Variants in FMN2 observed in about 807,000 individuals in gnomAD.
The protein encoded by FMN2 is formin 2, also known as formin-2.
FMN2 carries 51 observed loss-of-function variants against 142.3 expected under a neutral mutation model. The observed-to-expected ratio is 0.36, with a 90% CI of 0.29 to 0.45. The LOEUF (loss-of-function observed/expected upper bound fraction) is 0.45. FMN2 is among the 20% of genes least tolerant of loss of function. FMN2 has a pLI of 1.00. For missense variants in FMN2, 1,936 were observed against 2,122.8 expected (o/e 0.91, Z 1.73); for synonymous variants, 882 against 869.8 (o/e 1.01, Z -0.25).
intron 8 of FMN2, among the ~76,000 whole-genome samples, chr1:240,320,407 G>A (rs896123655): frequency 6.6e-6 from 1 of 152,190 alleles, no homozygotes; most frequent in Non-Finnish European, 1.5e-5. Context: ...AATGGCTCGT[G>A]TTTGTTCCAT....
intron 8 of FMN2, among the ~76,000 whole-genome samples, chr1:240,308,595 AC>A (rs1302858024): frequency 3.3e-5 from 5 of 152,174 alleles, no homozygotes; most frequent in Non-Finnish European, 2.9e-5. Context: ...TCCCTTGGAC[AC>A]CCCTGTAAGA....
At chr1:240,128,297 G>A (rs1341872210) in intron 2 of FMN2, among the ~76,000 whole-genome samples, 1 of 151,992 alleles carries the variant, frequency 6.6e-6, no homozygotes, top group Non-Finnish European at 1.5e-5. Context: ...ATATTTTCCA[G>A]CCAACCACAC....
intron 2 of FMN2, among the ~76,000 whole-genome samples, chr1:240,151,415 G>A (rs928507074): frequency 6.6e-6 from 1 of 151,998 alleles, no homozygotes; most frequent in Non-Finnish European, 1.5e-5. Flanking sequence ...TTCTTTCTGT[G>A]AAAAGAGACC....
chr1:240,390,957 G>T (rs777438370), intron 14 of FMN2, among the ~76,000 whole-genome samples: 7 of 152,278 alleles, frequency 4.6e-5, no homozygotes, highest in Non-Finnish European at 1.0e-4. Context: ...AAAATAGTAT[G>T]CATTGTAGTG....
intron 10 of FMN2, among the ~76,000 whole-genome samples, chr1:240,330,218 C>G (rs1208070818): frequency 6.6e-6 from 1 of 152,160 alleles, no homozygotes; most frequent in Non-Finnish European, 1.5e-5. Flanking sequence ...GACGTAGGCA[C>G]CATTAAGACA....
rs148573032 is a variant in FMN2, at chr1:240,454,161, A to G, written c.5060+15951A>G. ...TACCATGGAACCCTGTGCTTTCTTC[A>G]CTGTGGATCCGTAGCAATCATGGCG... On this transcript the variant is annotated intron_variant, in intron 16 of 17. Coordinates refer to ENST00000319653, the MANE Select transcript of FMN2 (RefSeq NM_020066.5). Among the ~76,000 whole-genome samples the G allele has an allele frequency of 2.7e-4, 40 of 149,574 alleles. 1 individual carries two copies. In the East Asian group the frequency reaches 7.9e-3, roughly 30 times the overall value.
chr1:240,401,386 G>A (rs1047483552), intron 15 of FMN2, among the ~76,000 whole-genome samples: 2 of 152,128 alleles, frequency 1.3e-5, no homozygotes, highest in Non-Finnish European at 2.9e-5. Context: ...TCAAAAAGTT[G>A]TTCTTCATTT....
intron 6 of FMN2, among the ~76,000 whole-genome samples, chr1:240,230,205 T>C (rs1667489486): frequency 7.8e-6 from 1 of 128,908 alleles, no homozygotes; most frequent in Non-Finnish European, 1.6e-5. Context: ...TAGCCCCACC[T>C]ACTCCCAGCT....
chr1:240,334,123 A>G lies in FMN2; in HGVS notation c.4659A>G (p.Glu1553=). 6.3e-7 allele frequency: 1 copy of G among 1,599,716 alleles called. No homozygotes were observed. Among genetic ancestry groups the G allele is most frequent in the South Asian group, 1.1e-5 (1 of 87,064 alleles). ...TTGTTCATTAGGATGCTGGAAAAGA[A>G]CAGTGCCTCTTTCCACTGCCAGAAC... ...LRNFDEDAGK[E]QCLFPLPEPQ... is the part of the protein sequence containing the mutation. The change falls in exon 13 of 18, where the codon GAA becomes GAG. Residue 1553 remains glutamate, a synonymous_variant. Transcript: ENST00000319653.
chr1:240,386,703 T>C (rs374065488), intron 14 of FMN2, among the ~76,000 whole-genome samples: 1 of 152,160 alleles, frequency 6.6e-6, no homozygotes, highest in African/African-American at 2.4e-5. Flanking sequence ...TCGGATATAT[T>C]AGTGCCGTTG....
chr1:240,469,799 A>G (rs960810479), intron 16 of FMN2, among the ~76,000 whole-genome samples: 2 of 152,134 alleles, frequency 1.3e-5, no homozygotes, highest in African/African-American at 4.8e-5. Flanking sequence ...TTACTTGCTC[A>G]TGAGTATCTC....
chr1:240,147,923 C>T (rs992899500), intron 2 of FMN2, among the ~76,000 whole-genome samples: 8 of 152,128 alleles, frequency 5.3e-5, no homozygotes, highest in African/African-American at 1.7e-4. Context: ...AAGCCAGATT[C>T]GGGAAAGTCT....
At chr1:240,325,078 G>A (rs1022409436) in intron 8 of FMN2, among the ~76,000 whole-genome samples, 2 of 151,998 alleles carry the variant, frequency 1.3e-5, no homozygotes, top group Non-Finnish European at 2.9e-5. Flanking sequence ...TGAAGTAATC[G>A]GTTGAAGGGG....
intron 8 of FMN2, among the ~76,000 whole-genome samples, chr1:240,325,891 C>T (rs987921687): frequency 9.9e-5 from 15 of 152,114 alleles, no homozygotes; most frequent in African/African-American, 2.7e-4. Flanking sequence ...TTTGTTGAGG[C>T]GTGAGCTATG....
At chr1:240,178,912 AT>A (rs71760632) in intron 3 of FMN2, among the ~76,000 whole-genome samples, 12,708 of 150,764 alleles carry the variant, frequency 0.084, 592 homozygotes, top group African/African-American at 0.12. Context: ...AAGAATTTTG[AT>A]TTTTTTTTTC....
chr1:240,273,516 G>GT (rs1053870267), intron 7 of FMN2, among the ~76,000 whole-genome samples: 3 of 152,062 alleles, frequency 2.0e-5, no homozygotes, highest in South Asian at 2.1e-4. Flanking sequence ...TGCATGATTT[G>GT]TTTTTTTCCT....
At chr1:240,254,218 G>C (rs1002949622) in intron 6 of FMN2, among the ~76,000 whole-genome samples, 7 of 152,138 alleles carry the variant, frequency 4.6e-5, no homozygotes, top group African/African-American at 1.4e-4. Flanking sequence ...GCTCCCAAGT[G>C]GTTTGCGCTG....
At chr1:240,453,464 G>A (rs2103213655) in intron 16 of FMN2, among the ~76,000 whole-genome samples, 1 of 152,258 alleles carries the variant, frequency 6.6e-6, no homozygotes, top group East Asian at 1.9e-4. Flanking sequence ...TATATTAAGT[G>A]TCATAGTCCC....
chr1:240,382,664 A>G (rs1673270691), intron 14 of FMN2, among the ~76,000 whole-genome samples: 1 of 152,044 alleles, frequency 6.6e-6, no homozygotes, highest in African/African-American at 2.4e-5. Flanking sequence ...CCCTCTCAAA[A>G]AGAAAAAAAA....
Sources: allele counts gnomAD v4.1 joint callset (sites outside exome capture counted in the v4.1 genomes callset), GRCh38; gene constraint gnomAD v4.1.1; transcripts MANE v1.5; gene names NCBI Gene and HGNC (gene_info 2026-07-23, HGNC 2026-07-21).